GTF2IRD1: variants seen among roughly 807,000 people sequenced by gnomAD.
The protein encoded by GTF2IRD1 is general transcription factor II-I repeat domain-containing protein 1.
A neutral mutation model predicts 113.2 loss-of-function variants in GTF2IRD1; 26 were observed. The ratio of observed to expected loss-of-function variants is 0.23; its 90% CI spans 0.17 to 0.32. The LOEUF (loss-of-function observed/expected upper bound fraction) is 0.32, where lower values mean the gene tolerates loss of function less well. Among genes scored for constraint, GTF2IRD1 ranks in the 10% least tolerant of loss-of-function variants. The pLI, the probability that GTF2IRD1 is intolerant of heterozygous loss-of-function variation, is 1.00. For missense variants in GTF2IRD1, 864 were observed against 1,280.8 expected, an observed-to-expected ratio of 0.67 and a Z score of 4.97; for synonymous variants, 484 against 529.1, an observed-to-expected ratio of 0.91 and a Z score of 1.17.
At position 74,538,744 on chromosome 7, in the gene GTF2IRD1, T is replaced by A; in HGVS notation, c.1512T>A (p.Ile504=). ...TTGAGCCAGAGGATCTGGACATCAT[T>A]CAGGTCACCGTCCCAGGTAAGGGAC... ...IKIEPEDLDI[I]QVTVPDPSPT... The change falls in exon 13 of 27, where the codon ATT becomes ATA. Residue 504 remains isoleucine (I), a synonymous_variant. Transcript: ENST00000424337. 1 of 1,590,158 alleles carries A rather than the reference T, an allele frequency of 6.3e-7. No individual in the cohort carries two copies. Among genetic ancestry groups the A allele is most frequent in the Non-Finnish European group, 8.6e-7 (1 of 1,158,260 alleles).
At chr7:74,526,643 A>G (rs1392839515) in intron 8 of GTF2IRD1, among the ~76,000 whole-genome samples, 1 of 152,162 alleles carries the variant, frequency 6.6e-6, no homozygotes, top group African/African-American at 2.4e-5. Context: ...GGGCAACAGC[A>G]GGGTTCGGGG....
chr7:74,527,309 C>T (rs1554347416), intron 8 of GTF2IRD1, among the ~76,000 whole-genome samples: 1 of 152,092 alleles, frequency 6.6e-6, no homozygotes, highest in East Asian at 1.9e-4. Context: ...GGCAACATAG[C>T]AAGACCCCGT....
intron 1 of GTF2IRD1, among the ~76,000 whole-genome samples, chr7:74,490,324 A>T (rs1795266149): frequency 6.6e-6 from 1 of 152,018 alleles, no homozygotes; most frequent in South Asian, 2.1e-4. Context: ...GGCTGGGTGT[A>T]AGACCCCCTC....
At chr7:74,579,326 A>C (rs181450270) in intron 22 of GTF2IRD1, among the ~76,000 whole-genome samples, 1 of 152,116 alleles carries the variant, frequency 6.6e-6, no homozygotes, top group African/African-American at 2.4e-5. Context: ...TTGAAAAGGA[A>C]GAGGAAGAAG....
intron 1 of GTF2IRD1, among the ~76,000 whole-genome samples, chr7:74,481,193 C>T (rs536492597): frequency 3.9e-5 from 6 of 152,318 alleles, no homozygotes; most frequent in Admixed American, 1.3e-4. Context: ...CTTGCTCTAT[C>T]GCCCAGGCTG....
intron 22 of GTF2IRD1, among the ~76,000 whole-genome samples, chr7:74,581,797 A>C (rs1447963325): frequency 2.0e-5 from 3 of 152,196 alleles, no homozygotes; most frequent in African/African-American, 7.2e-5. Flanking sequence ...GCTTGAGCTT[A>C]GGAGTTGAAG....
At chr7:74,502,818 G>A (rs1302868566) in intron 1 of GTF2IRD1, among the ~76,000 whole-genome samples, 1 of 152,212 alleles carries the variant, frequency 6.6e-6, no homozygotes, top group Non-Finnish European at 1.5e-5. Flanking sequence ...ATCCCTAGAA[G>A]ATGACCCAGG....
At chr7:74,495,375 A>G (rs548748177) in intron 1 of GTF2IRD1, among the ~76,000 whole-genome samples, 1 of 152,230 alleles carries the variant, frequency 6.6e-6, no homozygotes, top group Non-Finnish European at 1.5e-5. Flanking sequence ...TGCCAGCCCC[A>G]CCACGGACGT....
At chr7:74,558,212 G>C (rs1336389499) in intron 20 of GTF2IRD1, among the ~76,000 whole-genome samples, 11 of 150,358 alleles carry the variant, frequency 7.3e-5, no homozygotes, top group African/African-American at 2.2e-4. Flanking sequence ...CTGCGAGGGG[G>C]AGGTTGCAGT....
At chr7:74,575,192 T>C (rs953759960) in intron 22 of GTF2IRD1, among the ~76,000 whole-genome samples, 28 of 152,180 alleles carry the variant, frequency 1.8e-4, no homozygotes, top group Non-Finnish European at 3.2e-4. Context: ...GGAGCAATTG[T>C]ATTTATTTTT....
chr7:74,496,533 G>T (rs1011692035), intron 1 of GTF2IRD1, among the ~76,000 whole-genome samples: 1 of 147,968 alleles, frequency 6.8e-6, no homozygotes, highest in Non-Finnish European at 1.5e-5. Flanking sequence ...GGGTGTGCAT[G>T]TATGTGTGGG....
chr7:74,516,429 T>C (rs1796930783), intron 4 of GTF2IRD1, among the ~76,000 whole-genome samples: 1 of 152,204 alleles, frequency 6.6e-6, no homozygotes. Flanking sequence ...ATGTCTTTCC[T>C]GCAGGAAGAG....
intron 11 of GTF2IRD1, among the ~76,000 whole-genome samples, chr7:74,537,570 C>A (rs1365298935): frequency 2.0e-5 from 3 of 152,172 alleles, no homozygotes; most frequent in Non-Finnish European, 4.4e-5. Flanking sequence ...GCCCCCAGCA[C>A]TCAGCTTGGC....
At chr7:74,575,068 C>T (rs1185876125) in intron 22 of GTF2IRD1, among the ~76,000 whole-genome samples, 3 of 150,792 alleles carry the variant, frequency 2.0e-5, no homozygotes, top group South Asian at 4.2e-4. Flanking sequence ...CCAGCTTGGG[C>T]AACAAGAGCG....
intron 1 of GTF2IRD1, among the ~76,000 whole-genome samples, chr7:74,465,318 A>G (rs529357270): frequency 6.6e-6 from 1 of 152,086 alleles, no homozygotes; most frequent in East Asian, 1.9e-4. Flanking sequence ...TTCTCAGCAT[A>G]TCCAAAGGAG....
At chr7:74,496,019 C>CATGT (rs1554337772) in intron 1 of GTF2IRD1, among the ~76,000 whole-genome samples, 2 of 151,670 alleles carry the variant, frequency 1.3e-5, no homozygotes, top group African/African-American at 4.9e-5. Flanking sequence ...CTTGGACTAG[C>CATGT]GTGTGTGTGA....
At chr7:74,521,603 A>T (rs1797301809) in intron 7 of GTF2IRD1, among the ~76,000 whole-genome samples, 2 of 152,094 alleles carry the variant, frequency 1.3e-5, no homozygotes, top group Admixed American at 6.6e-5. Context: ...CTCTACAAAA[A>T]ATAAGAAAAA....
intron 1 of GTF2IRD1, among the ~76,000 whole-genome samples, chr7:74,498,874 G>T (rs376075692): frequency 3.3e-5 from 5 of 151,896 alleles, no homozygotes; most frequent in Admixed American, 1.3e-4. Context: ...GACTATAGGC[G>T]TGTACCACCA....
intron 17 of GTF2IRD1, among the ~76,000 whole-genome samples, chr7:74,553,476 A>AG (rs1799424302): frequency 6.6e-6 from 1 of 151,750 alleles, no homozygotes; most frequent in Non-Finnish European, 1.5e-5. Context: ...TTTGTAGAGA[A>AG]GGGGTCTCGC....
Sources: gnomAD v4.1 joint callset for allele counts (sites outside exome capture counted in the v4.1 genomes callset) on GRCh38, gnomAD v4.1.1 for gene constraint, MANE v1.5 for transcripts, NCBI Gene and HGNC (gene_info 2026-07-23, HGNC 2026-07-21) for gene names.